Variants in INTS3 observed in about 807,000 individuals in gnomAD.
INTS3 encodes SOSS complex subunit A.
A neutral mutation model predicts 146.3 loss-of-function variants in INTS3; 34 were observed. The ratio of observed to expected loss-of-function variants is 0.23; its 90% CI spans 0.18 to 0.31. The LOEUF is 0.31. Ranked by LOEUF, INTS3 falls within the 10% of genes least tolerant of loss-of-function variation. The probability of loss-of-function intolerance (pLI) is 1.00; values close to 1 mark genes in which losing one functional copy is unlikely to be tolerated. For missense variants in INTS3, 757 were observed against 1,304.2 expected, an observed-to-expected ratio of 0.58 and a Z score of 6.46; for synonymous variants, 475 against 494.9, an observed-to-expected ratio of 0.96 and a Z score of 0.53.
intron 20 of INTS3, chr1:153,767,262 T>A (rs1249748681): frequency 6.0e-6 from 1 of 165,528 alleles, no homozygotes; most frequent in African/African-American, 2.4e-5. Flanking sequence ...ACAAGTTGTG[T>A]GGCTTTAATT....
intron 9 of INTS3, among the ~76,000 whole-genome samples, chr1:153,755,797 G>T (rs1672137539): frequency 6.6e-6 from 1 of 152,138 alleles, no homozygotes; most frequent in Admixed American, 6.5e-5. Flanking sequence ...CCAGCACTTT[G>T]GGAGGCCAAG....
rs866090555 is a variant in INTS3 at position 153,769,062 on chromosome 1, C to T, written c.2313+101C>T. 90 of 916,456 alleles carry T rather than the reference C, an allele frequency of 9.8e-5. No individual in the cohort carries two copies. The African/African-American group carries it at 1.2e-3, about 12-fold the overall frequency. 56.8% of individuals were successfully genotyped at this position (916,456 alleles called of 1,614,324 possible). A position where few individuals can be genotyped will look rare whatever the true frequency, so the allele number is the denominator to read the frequency against. On this transcript the variant is annotated intron_variant, in intron 22 of 29. Coordinates refer to ENST00000318967, the MANE Select transcript of INTS3 (RefSeq NM_023015.5). ...AGGCCTGCAGACAGGGAGCCCATGC[C>T]TCCCAGGCACCCTCCCTCCTGGCTA... is the stretch of plus-strand genomic sequence containing the variant.
At chr1:153,766,455 A>G (rs1672588198) in intron 20 of INTS3, 2 of 151,612 alleles carry the variant, frequency 1.3e-5, no homozygotes, top group African/African-American at 4.8e-5. Flanking sequence ...ACGCCACCAC[A>G]TCCAGTTAAT....
chr1:153,759,479 G>A (rs776449561), intron 10 of INTS3, 47 bp from the exon 11 acceptor site: 5 of 1,224,130 alleles, frequency 4.1e-6, no homozygotes, highest in Non-Finnish European at 6.1e-6. Flanking sequence ...AAATGGAGGG[G>A]GGTGATTGAT....
rs200444551 is a variant in INTS3 at position 153,772,458 on chromosome 1, G to A, written c.2821+18G>A. On this transcript the variant is annotated intron_variant, in intron 27 of 29. Coordinates refer to ENST00000318967, the MANE Select transcript of INTS3 (RefSeq NM_023015.5). This position sits in a 1 kb window ranked among gnomAD's most constrained non-coding sequence, Gnocchi z 4.6. ...GCAGAACTGTATGCCTTCCACCCTC[G>A]GCGTCCAGTGTAGACGGTGCTGCCC... The A allele has an allele frequency of 3.7e-6, 6 of 1,614,006 alleles. No individual in the cohort carries two copies. The African/African-American group carries it at 4.0e-5, about 11-fold the overall frequency.
intron 18 of INTS3, 57 bp from the exon 19 acceptor site, chr1:153,764,633 C>A (rs368341344): frequency 7.7e-7 from 1 of 1,294,464 alleles, no homozygotes; most frequent in Non-Finnish European, 1.1e-6. Context: ...GCTGGTCCTC[C>A]GTATGTGCCA....
chr1:153,747,342 A>ATGG lies in INTS3; in HGVS notation c.496_497insTGG (p.Thr166delinsMetAla). 1 of 1,614,084 alleles carries ATGG rather than the reference A, an allele frequency of 6.2e-7. No individual in the cohort carries two copies. The highest frequency in any genetic ancestry group is 1.1e-5 in the South Asian group (1 of 91,080). ...TCTGGGAGCCGATGGTGTTTGTATG[A>ATGG]CGTTTATGAAGCAGATTGCAGGTGA... On this transcript the variant is annotated protein_altering_variant, in exon 5 of 30. Coordinates refer to ENST00000318967, the MANE Select transcript of INTS3 (RefSeq NM_023015.5).
chr1:153,755,731 C>T (rs1204910311), intron 9 of INTS3, among the ~76,000 whole-genome samples: 1 of 152,154 alleles, frequency 6.6e-6, no homozygotes, highest in Non-Finnish European at 1.5e-5. Flanking sequence ...AGTTAGTCTG[C>T]AGGACTAGGT....
At chr1:153,739,399 A>T (rs189164394) in intron 1 of INTS3, among the ~76,000 whole-genome samples, 1 of 146,368 alleles carries the variant, frequency 6.8e-6, no homozygotes, top group South Asian at 2.2e-4. Context: ...CTGGAGTGCA[A>T]TGATGCAATC....
chr1:153,760,549 T>C, intron 12 of INTS3, 159 bp downstream of exon 12: 1 of 649,444 alleles, frequency 1.5e-6, no homozygotes, highest in Non-Finnish European at 2.7e-6. Flanking sequence ...TTCCCTTCCA[T>C]ATTCCACTGT....
At chr1:153,764,837 G>A (rs1399779278) in intron 19 of INTS3, 103 bp downstream of exon 19, 1 of 1,540,830 alleles carries the variant, frequency 6.5e-7, no homozygotes, top group Non-Finnish European at 9.0e-7. Flanking sequence ...TTCCAGGGAG[G>A]AGGACATATG....
intron 8 of INTS3, 58 bp downstream of exon 8, chr1:153,752,466 T>G (rs1348446468): frequency 1.2e-5 from 18 of 1,547,786 alleles, no homozygotes; most frequent in Non-Finnish European, 1.4e-5. Flanking sequence ...GTGTATGTCT[T>G]GCTTGAATCA....
At chr1:153,754,527 T>A (rs1672088639) in intron 8 of INTS3, 115 bp from the exon 9 acceptor site, 2 of 778,068 alleles carry the variant, frequency 2.6e-6, no homozygotes, top group Non-Finnish European at 4.6e-6. Context: ...GTCTTGGAAT[T>A]TCTCCGTGAG....
In INTS3 at chr1:153,763,230, T is replaced by C. The variant is rs762200443; in HGVS notation, c.1637-3T>C. On this transcript the variant is annotated splice_region_variant and splice_polypyrimidine_tract_variant and intron_variant, in intron 15 of 29. Transcript: ENST00000318967. ...GACTTCTTTCCCAAATCACTCCCTT[T>C]AGGAAAGAAGAGGGAGTTTCGCTTC... The C allele has an allele frequency of 1.2e-6, 2 of 1,614,166 alleles. No homozygotes were observed. Among genetic ancestry groups the C allele is most frequent in the South Asian group, 1.1e-5 (1 of 91,078 alleles).
intron 14 of INTS3, 71 bp downstream of exon 14, chr1:153,761,747 C>G: frequency 1.0e-6 from 1 of 986,580 alleles, no homozygotes; most frequent in South Asian, 1.3e-5. Context: ...AGGCCAGAGC[C>G]CCTTTCAGGA....
In INTS3 at chr1:153,774,233, C is replaced by T. The variant is rs1262565884; in HGVS notation, c.*963C>T. The T allele has an allele frequency of 6.6e-6, 1 of 152,214 alleles. No individual in the cohort carries two copies. Among genetic ancestry groups the T allele is most frequent in the Admixed American group, 6.6e-5 (1 of 15,266 alleles). 9.4% of individuals were successfully genotyped at this position (152,214 alleles called of 1,614,324 possible). On this transcript the variant is annotated 3_prime_UTR_variant, in exon 30 of 30. Transcript: ENST00000318967. ...AGAGCAGAAGGGACTTGGCTTTGGCCACTACCCATCCTTCCTGCTGCCACT... is the reference window on the plus strand; with the variant it reads ...AGAGCAGAAGGGACTTGGCTTTGGCTACTACCCATCCTTCCTGCTGCCACT...
chr1:153,756,689 G>A (rs1192240333), intron 9 of INTS3, among the ~76,000 whole-genome samples: 1 of 152,014 alleles, frequency 6.6e-6, no homozygotes, highest in Non-Finnish European at 1.5e-5. Context: ...GGTGGCATGT[G>A]CCTGTAATCC....
At chr1:153,770,839 T>C in intron 25 of INTS3, 106 bp downstream of exon 25, 1 of 871,292 alleles carries the variant, frequency 1.1e-6, no homozygotes, top group Non-Finnish European at 1.9e-6. Flanking sequence ...TTTTTTCCTG[T>C]CGTTAACATC....
rs1232815148 is a variant in INTS3 at position 153,764,934 on chromosome 1, C to T, written c.1971-10C>T. 6.2e-7 allele frequency: 1 copy of T among 1,614,076 alleles called. No homozygotes were observed. The highest frequency in any genetic ancestry group is 1.1e-5 in the South Asian group (1 of 91,064). The stretch of plus-strand genomic sequence containing the variant: ...AGTTCTGTTCCTCTCCTCCCATGCC[C>T]CACCTCCAGGAACCTATGTCAGATG... On this transcript the variant is annotated splice_polypyrimidine_tract_variant and intron_variant, in intron 19 of 29. Transcript: ENST00000318967.
Sources: gnomAD v4.1 joint callset for allele counts (sites outside exome capture counted in the v4.1 genomes callset) on GRCh38, gnomAD v4.1.1 for gene constraint, Gnocchi (gnomAD v3.1) non-coding constraint, MANE v1.5 for transcripts, NCBI Gene and HGNC (gene_info 2026-07-23, HGNC 2026-07-21) for gene names.